CPO: variants seen among roughly 807,000 people sequenced by gnomAD.
CPO encodes carboxypeptidase O.
Under a neutral mutation model 41.2 loss-of-function variants are expected in CPO, and 43 were observed. The ratio of observed to expected loss-of-function variants is 1.04; its 90% CI spans 0.82 to 1.35. The LOEUF is 1.35. Among genes scored for constraint, CPO ranks in the 40% most tolerant of loss-of-function variants. The pLI, the probability that CPO is intolerant of heterozygous loss-of-function variation, is 0.00. For missense variants in CPO, 408 were observed against 451.7 expected (o/e 0.90, Z 0.88); for synonymous variants, 178 against 162.7 (o/e 1.09, Z -0.72).
At chr2:206,949,935 A>G (rs903526317) in intron 2 of CPO, among the ~76,000 whole-genome samples, 2 of 152,222 alleles carry the variant, frequency 1.3e-5, no homozygotes, top group African/African-American at 4.8e-5. Context: ...AATTAATAAC[A>G]AAAAGAAAAT....
chr2:206,958,455 C>T (rs756591669), intron 4 of CPO, 50 bp downstream of exon 4: 8 of 1,011,118 alleles, frequency 7.9e-6, no homozygotes, highest in Non-Finnish European at 1.2e-5. Flanking sequence ...CATAAAATAT[C>T]TGTCACTTCT....
At chr2:206,966,212 A>T (rs1693572846) in intron 7 of CPO, among the ~76,000 whole-genome samples, 1 of 150,702 alleles carries the variant, frequency 6.6e-6, no homozygotes, top group African/African-American at 2.4e-5. Flanking sequence ...AAAAAAAAAA[A>T]TTTGTTGTCT....
chr2:206,965,728 A>G (rs1435770315), intron 7 of CPO, among the ~76,000 whole-genome samples: 1 of 152,094 alleles, frequency 6.6e-6, no homozygotes, highest in Non-Finnish European at 1.5e-5. Context: ...CTCTGGGCCC[A>G]GAGAAGGAGT....
At chr2:206,939,790 G>C in intron 1 of CPO, 123 bp downstream of exon 1, 3 of 614,368 alleles carry the variant, frequency 4.9e-6, no homozygotes. Flanking sequence ...ACCACCATGA[G>C]ATGAGAATAA....
chr2:206,963,219 C>T (rs1693513125), intron 7 of CPO, among the ~76,000 whole-genome samples: 1 of 152,212 alleles, frequency 6.6e-6, no homozygotes, highest in African/African-American at 2.4e-5. Flanking sequence ...GGCAGAATTA[C>T]TGAGAAGGAC....
At chr2:206,963,821 C>CTCTCT (rs60700434) in intron 7 of CPO, among the ~76,000 whole-genome samples, 99,962 of 151,388 alleles carry the variant, frequency 0.66, 33,409 homozygotes, top group Middle Eastern at 0.76. Context: ...GTGTGCACTT[C>CTCTCT]TAAGACTCTG....
At position 206,962,506 on chromosome 2, in the gene CPO, G is replaced by C. The variant is rs758305924; in HGVS notation, c.669G>C (p.Glu223Asp). 2.5e-6 allele frequency: 4 copies of C among 1,614,132 alleles called. No homozygotes were observed. Among genetic ancestry groups the C allele is most frequent in the Non-Finnish European group, 2.5e-6 (3 of 1,179,976 alleles). The change falls in exon 7 of 9, where the codon GAG becomes GAC. Residue 223 changes from glutamate (E) to aspartate (D), a missense_variant. Coordinates refer to ENST00000272852, the MANE Select transcript of CPO (RefSeq NM_173077.3). ...PETKAVASFI[E>D]SKKDDILCFL... Reference sequence around the variant, plus strand: ...CTAAAGCTGTTGCCAGCTTCATAGAGAGCAAGAAGGATGATATTTTGTGCT... The same window carrying C: ...CTAAAGCTGTTGCCAGCTTCATAGACAGCAAGAAGGATGATATTTTGTGCT...
At chr2:206,947,815 G>A (rs1693174215) in intron 1 of CPO, among the ~76,000 whole-genome samples, 1 of 152,150 alleles carries the variant, frequency 6.6e-6, no homozygotes, top group South Asian at 2.1e-4. Context: ...CACATCATAT[G>A]TCACTAGGGA....
intron 3 of CPO, among the ~76,000 whole-genome samples, chr2:206,957,887 A>G (rs918145777): frequency 1.3e-5 from 2 of 152,192 alleles, no homozygotes; most frequent in South Asian, 2.1e-4. Flanking sequence ...TTAAAGACCT[A>G]TGATTCTTGA....
At chr2:206,951,363 G>T (rs1356049058) in intron 2 of CPO, among the ~76,000 whole-genome samples, 1 of 152,164 alleles carries the variant, frequency 6.6e-6, no homozygotes, top group African/African-American at 2.4e-5. Flanking sequence ...TTATGTACGT[G>T]TGTGTATGTA....
chr2:206,949,169 T>C (rs1693204339), intron 1 of CPO, among the ~76,000 whole-genome samples: 3 of 152,100 alleles, frequency 2.0e-5, no homozygotes, highest in Non-Finnish European at 2.9e-5. Flanking sequence ...AAAGCCCTAA[T>C]AACACTTCCC....
At chr2:206,945,199 C>G (rs1038346687) in intron 1 of CPO, among the ~76,000 whole-genome samples, 3 of 145,620 alleles carry the variant, frequency 2.1e-5, no homozygotes, top group African/African-American at 7.4e-5. Flanking sequence ...CTATTTTGAG[C>G]ATTTTTTGAA....
intron 2 of CPO, among the ~76,000 whole-genome samples, chr2:206,951,358 T>C (rs988264509): frequency 2.0e-5 from 3 of 152,238 alleles, no homozygotes; most frequent in Non-Finnish European, 4.4e-5. Context: ...TCTACTTATG[T>C]ACGTGTGTGT....
intron 1 of CPO, among the ~76,000 whole-genome samples, chr2:206,943,752 A>AGAT (rs1491555057): frequency 2.6e-5 from 4 of 151,148 alleles, no homozygotes; most frequent in Middle Eastern, 3.4e-3. Flanking sequence ...ATAGATAGAT[A>AGAT]GATAGATAGA....
At chr2:206,964,545 C>T (rs563099701) in intron 7 of CPO, among the ~76,000 whole-genome samples, 1 of 152,292 alleles carries the variant, frequency 6.6e-6, no homozygotes, top group South Asian at 2.1e-4. Context: ...TTCATCATCC[C>T]ACTACCTCGC....
At position 206,962,493 on chromosome 2, in the gene CPO, C is replaced by T. The variant is rs1008986901; in HGVS notation, c.656C>T (p.Ala219Val). Residue 219 changes from alanine to valine, a missense_variant, in exon 7 of 9, where the codon GCC becomes GTC. Physicochemically the swap from Ala to Val is moderately conservative, Grantham distance 64 (BLOSUM62 0). Transcript: ENST00000272852. Reference protein sequence around the residue: ...PVSEPETKAVASFIESKKDDI... With the variant: ...PVSEPETKAVVSFIESKKDDI... The stretch of plus-strand genomic sequence containing the variant: ...TCTGAACCAGAGACTAAAGCTGTTG[C>T]CAGCTTCATAGAGAGCAAGAAGGAT... The T allele has an allele frequency of 6.2e-7, 1 of 1,614,070 alleles. No homozygotes were observed. The highest frequency in any genetic ancestry group is 8.5e-7 in the Non-Finnish European group (1 of 1,179,902).
intron 7 of CPO, 34 bp downstream of exon 7, chr2:206,962,648 C>T (rs1559074018): frequency 6.5e-7 from 1 of 1,537,928 alleles, no homozygotes; most frequent in Non-Finnish European, 9.0e-7. Flanking sequence ...CCAGAAAAAC[C>T]TCAGCAAGAC....
At chr2:206,953,141 C>A (rs1037243041) in intron 2 of CPO, among the ~76,000 whole-genome samples, 1 of 152,192 alleles carries the variant, frequency 6.6e-6, no homozygotes, top group African/African-American at 2.4e-5. Context: ...GCTGGCCCTT[C>A]CCAAATCTCA....
At chr2:206,947,856 G>T (rs945901975) in intron 1 of CPO, among the ~76,000 whole-genome samples, 1 of 152,138 alleles carries the variant, frequency 6.6e-6, no homozygotes, top group African/African-American at 2.4e-5. Context: ...GATAATACTT[G>T]TTAATAAAAC....
Sources: gnomAD v4.1 joint callset for allele counts (sites outside exome capture counted in the v4.1 genomes callset) on GRCh38, gnomAD v4.1.1 for gene constraint, MANE v1.5 for transcripts, NCBI Gene and HGNC (gene_info 2026-07-23, HGNC 2026-07-21) for gene names.